LYPD6: variants seen among roughly 807,000 people sequenced by gnomAD.
The protein encoded by LYPD6 is ly6/PLAUR domain-containing protein 6.
In LYPD6, 15 loss-of-function variants were observed where a neutral mutation model predicts 22.7. The ratio of observed to expected loss-of-function variants is 0.66; its 90% CI spans 0.44 to 1.02. The LOEUF (loss-of-function observed/expected upper bound fraction) is 1.02. Ranked by LOEUF, LYPD6 falls within the 50% of genes least tolerant of loss-of-function variation. LYPD6 has a pLI of 0.00. For synonymous variants in LYPD6, 72 were observed against 77.5 expected (o/e 0.93, Z 0.37); for missense variants, 189 against 208.4 (o/e 0.91, Z 0.57).
intron 3 of LYPD6, among the ~76,000 whole-genome samples, chr2:149,462,519 C>T (rs868692704): frequency 2.7e-5 from 4 of 150,422 alleles, no homozygotes; most frequent in African/African-American, 9.7e-5. Flanking sequence ...CAATTCCTGT[C>T]AAAATCCCAG....
chr2:149,388,945 G>A (rs1014856580), intron 1 of LYPD6, among the ~76,000 whole-genome samples: 2 of 152,124 alleles, frequency 1.3e-5, no homozygotes, highest in African/African-American at 4.8e-5. Flanking sequence ...GATGGACTGA[G>A]AAAATTCTGG....
chr2:149,455,447 AC>A (rs1369813420), intron 3 of LYPD6, among the ~76,000 whole-genome samples: 4 of 151,818 alleles, frequency 2.6e-5, no homozygotes, highest in African/African-American at 9.7e-5. Context: ...TTTAGTAGAG[AC>A]AGTATTTCAC....
chr2:149,376,179 C>G (rs1284587845), intron 1 of LYPD6, among the ~76,000 whole-genome samples: 2 of 152,066 alleles, frequency 1.3e-5, no homozygotes. Context: ...TTTTGGAGGC[C>G]TTGGGAAAAC....
intron 2 of LYPD6, among the ~76,000 whole-genome samples, chr2:149,446,145 C>T (rs1039761357): frequency 5.9e-5 from 9 of 152,136 alleles, no homozygotes; most frequent in African/African-American, 2.2e-4. Flanking sequence ...TCAAAACATA[C>T]ACATTTATTC....
intron 1 of LYPD6, among the ~76,000 whole-genome samples, chr2:149,365,787 CAGGT>C (rs1319019106): frequency 3.3e-5 from 5 of 152,052 alleles, no homozygotes; most frequent in Non-Finnish European, 7.4e-5. Flanking sequence ...AAAATTTTGA[CAGGT>C]AGGGTTGAGC....
intron 4 of LYPD6, among the ~76,000 whole-genome samples, chr2:149,469,204 T>C (rs2105183178): frequency 6.6e-6 from 1 of 152,270 alleles, no homozygotes; most frequent in Middle Eastern, 3.4e-3. Context: ...GGATGTTAGT[T>C]TGGGGAGGGT....
intron 2 of LYPD6, among the ~76,000 whole-genome samples, chr2:149,447,015 C>G (rs1478059052): frequency 6.6e-6 from 1 of 152,218 alleles, no homozygotes; most frequent in Non-Finnish European, 1.5e-5. Flanking sequence ...GCTCAGCCAT[C>G]TGCGAGAGAG....
chr2:149,362,310 T>G (rs1210768577), intron 1 of LYPD6, among the ~76,000 whole-genome samples: 3 of 152,150 alleles, frequency 2.0e-5, no homozygotes, highest in Non-Finnish European at 4.4e-5. Flanking sequence ...AGCATACAAA[T>G]TTATTTAATA....
chr2:149,445,808 T>C (rs950983008), intron 2 of LYPD6, among the ~76,000 whole-genome samples: 1 of 152,206 alleles, frequency 6.6e-6, no homozygotes, highest in Admixed American at 6.5e-5. Context: ...TCTACATTCT[T>C]AACATTCGTG....
rs1681353339 is a variant in LYPD6, at chr2:149,472,266, A to T, written c.*1416A>T. The T allele has an allele frequency of 6.6e-6, 1 of 152,244 alleles. No individual in the cohort carries two copies. Among genetic ancestry groups the T allele is most frequent in the East Asian group, 1.9e-4 (1 of 5,198 alleles). The allele number at this position is 152,244 out of a possible 1,614,324, so 9.4% of individuals were successfully genotyped here. A position where few individuals can be genotyped will look rare whatever the true frequency, so the allele number is the denominator to read the frequency against. On this transcript the variant is annotated 3_prime_UTR_variant, in exon 5 of 5. Coordinates refer to ENST00000334166, the MANE Select transcript of LYPD6 (RefSeq NM_194317.5). The stretch of plus-strand genomic sequence containing the variant: ...TCTATAATACTTGCACCAGTGTTGA[A>T]AAAAGTTAACATGTAGGCAAGAGCA...
intron 1 of LYPD6, among the ~76,000 whole-genome samples, chr2:149,411,176 A>T (rs192588692): frequency 2.0e-5 from 3 of 152,348 alleles, no homozygotes; most frequent in Admixed American, 2.0e-4. Context: ...GGGGTCCAGC[A>T]GTCTGTTTTA....
At chr2:149,449,702 C>G (rs530315436) in intron 3 of LYPD6, among the ~76,000 whole-genome samples, 32 of 151,934 alleles carry the variant, frequency 2.1e-4, no homozygotes, top group African/African-American at 7.5e-4. Flanking sequence ...AAATAAATAC[C>G]CATTATATTC....
At chr2:149,451,020 A>C (rs1352245386) in intron 3 of LYPD6, among the ~76,000 whole-genome samples, 2 of 152,204 alleles carry the variant, frequency 1.3e-5, no homozygotes, top group African/African-American at 4.8e-5. Context: ...GCTAGTATAT[A>C]GGAAGCGTGT....
intron 1 of LYPD6, among the ~76,000 whole-genome samples, chr2:149,416,575 TGCTAAGTTCTTTGGCAAGAGGGTAAGG>T (rs1322895014): frequency 5.9e-5 from 9 of 152,120 alleles, no homozygotes; most frequent in Non-Finnish European, 1.3e-4. Flanking sequence ...GTGGGACCCT[TGCTAAGTTCTTTGGCAAGAGGGTAAGG>T]AGCCCAGGAC....
At chr2:149,345,362 A>T (rs1001917054) in intron 1 of LYPD6, among the ~76,000 whole-genome samples, 9 of 142,474 alleles carry the variant, frequency 6.3e-5, no homozygotes, top group African/African-American at 2.1e-4. Flanking sequence ...GCTGGAGTGC[A>T]GTGGCGCGAT....
the LYPD6 span, among the ~76,000 whole-genome samples, chr2:149,481,941 G>T: frequency 6.6e-6 from 1 of 152,140 alleles, no homozygotes; most frequent in Non-Finnish European, 1.5e-5. Flanking sequence ...CCTCAGAAGT[G>T]TTGCTTTTAG....
In LYPD6 at chr2:149,369,072, T is replaced by C. The variant is rs183133480; in HGVS notation, c.-72+38350T>C. Among the ~76,000 whole-genome samples, 56 of 152,024 alleles carry C rather than the reference T, an allele frequency of 3.7e-4. 1 individual carries two copies. In the East Asian group the frequency reaches 0.011, roughly 29 times the overall value. ...TGGAGGAGACCACCAGGGGAGAGTA[T>C]GCGGACCCAGAGGAGAAATAGGGTG... On this transcript the variant is annotated intron_variant, in intron 1 of 4. Coordinates refer to ENST00000334166, the MANE Select transcript of LYPD6 (RefSeq NM_194317.5).
chr2:149,415,433 A>G (rs765544461), intron 1 of LYPD6, among the ~76,000 whole-genome samples: 16 of 152,194 alleles, frequency 1.1e-4, no homozygotes, highest in South Asian at 6.2e-4. Flanking sequence ...TGCTAGGGGC[A>G]AAGAAGGGGG....
intron 1 of LYPD6, among the ~76,000 whole-genome samples, chr2:149,397,711 A>G (rs1272322367): frequency 6.6e-6 from 1 of 152,250 alleles, no homozygotes; most frequent in African/African-American, 2.4e-5. Context: ...GATGTCTTGT[A>G]TGAGTATAGA....
Sources: allele counts gnomAD v4.1 joint callset (sites outside exome capture counted in the v4.1 genomes callset), GRCh38; gene constraint gnomAD v4.1.1; transcripts MANE v1.5; gene names NCBI Gene and HGNC (gene_info 2026-07-23, HGNC 2026-07-21).